Variants in DENND5B observed in about 807,000 individuals in gnomAD.
DENND5B encodes DENN domain-containing protein 5B.
A neutral mutation model predicts 140.6 loss-of-function variants in DENND5B; 34 were observed. The ratio of observed to expected loss-of-function variants is 0.24; its 90% CI spans 0.18 to 0.32. The LOEUF is 0.32. Ranked by LOEUF, DENND5B falls within the 10% of genes least tolerant of loss-of-function variation. DENND5B has a pLI of 1.00. For missense variants in DENND5B, 1,142 were observed against 1,560.2 expected, an observed-to-expected ratio of 0.73 and a Z score of 4.52; for synonymous variants, 551 against 562.1, an observed-to-expected ratio of 0.98 and a Z score of 0.28.
Position 31,447,731 on chromosome 12 carries a change from T to C in DENND5B, c.1668A>G (p.Pro556=). The C allele has an allele frequency of 6.2e-7, 1 of 1,608,346 alleles. No homozygotes were observed. Among genetic ancestry groups the C allele is most frequent in the Non-Finnish European group, 8.5e-7 (1 of 1,177,140 alleles). Residue 556 remains proline (P), a synonymous_variant, in exon 6 of 21, where the codon CCA becomes CCG. Transcript: ENST00000389082. ...GTGTTTCAATGAAGCGTGAAAGAAA[T>C]GGCAGGTAAGGCTCAGGCTGGTCAG... ...FLSDQPEPYL[P]FLSRFIETQM...
chr12:31,415,875 C>T (rs793160), intron 11 of DENND5B, among the ~76,000 whole-genome samples: 1 of 151,948 alleles, frequency 6.6e-6, no homozygotes, highest in East Asian at 1.9e-4. Flanking sequence ...CGCTCTTGTT[C>T]TCTAGGCTGG....
chr12:31,444,534 G>A (rs1329038928), intron 6 of DENND5B, among the ~76,000 whole-genome samples: 1 of 152,166 alleles, frequency 6.6e-6, no homozygotes, highest in East Asian at 1.9e-4. Flanking sequence ...GTTAGCCATT[G>A]TGCCTGGCCA....
intron 1 of DENND5B, among the ~76,000 whole-genome samples, chr12:31,588,642 TTTTATTATAAGAGACTTCAGCATCCG>T (rs1950488615): frequency 6.6e-6 from 1 of 152,230 alleles, no homozygotes; most frequent in East Asian, 1.9e-4. Context: ...TGCTACAACA[TTTTATTATAAGAGACTTCAGCATCCG>T]AGGATTTTGG....
At chr12:31,482,275 A>G (rs1946098687) in intron 2 of DENND5B, among the ~76,000 whole-genome samples, 2 of 152,154 alleles carry the variant, frequency 1.3e-5, no homozygotes, top group African/African-American at 2.4e-5. Flanking sequence ...CAACTCCCAA[A>G]TCTACAATCT....
intron 7 of DENND5B, among the ~76,000 whole-genome samples, chr12:31,435,897 T>C (rs1051783289): frequency 2.6e-5 from 4 of 151,720 alleles, no homozygotes; most frequent in African/African-American, 9.7e-5. Context: ...CTGACCTTCA[T>C]GTGATCCGCC....
At chr12:31,569,193 A>C (rs1949731515) in intron 1 of DENND5B, among the ~76,000 whole-genome samples, 1 of 149,918 alleles carries the variant, frequency 6.7e-6, no homozygotes. Flanking sequence ...CAGCCTACCG[A>C]GTAGCTGGGA....
chr12:31,441,266 C>T (rs1200775202), intron 7 of DENND5B, among the ~76,000 whole-genome samples: 2 of 152,058 alleles, frequency 1.3e-5, no homozygotes, highest in African/African-American at 4.8e-5. Flanking sequence ...ATCACGTGAG[C>T]CTGGGGAGGT....
At chr12:31,551,951 AAGG>A (rs1199575819) in intron 1 of DENND5B, among the ~76,000 whole-genome samples, 2 of 152,108 alleles carry the variant, frequency 1.3e-5, no homozygotes, top group Non-Finnish European at 2.9e-5. Flanking sequence ...TTATCAGCTT[AAGG>A]AGATTTTGGG....
chr12:31,517,340 C>T (rs1366370288), intron 1 of DENND5B, among the ~76,000 whole-genome samples: 1 of 152,236 alleles, frequency 6.6e-6, no homozygotes, highest in East Asian at 1.9e-4. Context: ...CTATCCTGCG[C>T]TTAAAGCGGA....
Position 31,464,062 on chromosome 12 carries a change from AT to A in DENND5B, c.905-3682del, listed in dbSNP as rs60985669. On this transcript the variant is annotated intron_variant, in intron 3 of 20. Transcript: ENST00000389082. The stretch of plus-strand genomic sequence containing the variant: ...AAAGGCAGAGTTTTCTTCTTTAAGC[AT>A]TTTTTTTAAACTTAAATATTTTAGG... Among the ~76,000 whole-genome samples, 412 of 152,188 alleles carry A rather than the reference AT, an allele frequency of 2.7e-3. 7 individuals are homozygous for A. Among genetic ancestry groups the A allele is most frequent in the African/African-American group, 9.7e-3 (402 of 41,510 alleles).
rs116292179 is a variant in DENND5B at position 31,444,844 on chromosome 12, T to C, written c.1862-1919A>G. On this transcript the variant is annotated intron_variant, in intron 6 of 20. Coordinates refer to ENST00000389082, the MANE Select transcript of DENND5B (RefSeq NM_144973.4). ...TCAATTTCCAAAACCACATAGGTAATTGCCACTTCCTGAAGGGGCTCCAGG... is the reference window on the plus strand; with the variant it reads ...TCAATTTCCAAAACCACATAGGTAACTGCCACTTCCTGAAGGGGCTCCAGG... 2.8e-3 allele frequency among the ~76,000 whole-genome samples: 433 copies of C among 152,356 alleles called. 4 individuals carry two copies. Among genetic ancestry groups the C allele is most frequent in the African/African-American group, 9.8e-3 (407 of 41,580 alleles).
intron 7 of DENND5B, among the ~76,000 whole-genome samples, chr12:31,441,962 C>T (rs752862799): frequency 6.6e-6 from 1 of 152,162 alleles, no homozygotes; most frequent in Non-Finnish European, 1.5e-5. Context: ...AGGTTACAGG[C>T]GTGAGCCACC....
chr12:31,529,399 C>T (rs1948203937), intron 1 of DENND5B, among the ~76,000 whole-genome samples: 1 of 152,154 alleles, frequency 6.6e-6, no homozygotes, highest in Admixed American at 6.5e-5. Flanking sequence ...TCTGGTTCCC[C>T]TCAATTTAAA....
At chr12:31,494,212 C>CCACCCACCCACA (rs1946672642) in intron 2 of DENND5B, among the ~76,000 whole-genome samples, 1 of 71,536 alleles carries the variant, frequency 1.4e-5, no homozygotes, top group Non-Finnish European at 3.0e-5. Context: ...ACCTACCTAC[C>CCACCCACCCACA]TACCTACCTC....
intron 1 of DENND5B, among the ~76,000 whole-genome samples, chr12:31,519,351 A>G (rs1201860832): frequency 6.6e-6 from 1 of 152,230 alleles, no homozygotes; most frequent in Admixed American, 6.5e-5. Flanking sequence ...CCTGAGGTAC[A>G]AGAAACAGAT....
intron 1 of DENND5B, among the ~76,000 whole-genome samples, chr12:31,554,507 C>G (rs1201294142): frequency 1.3e-5 from 2 of 152,148 alleles, no homozygotes; most frequent in Non-Finnish European, 2.9e-5. Context: ...TTTTTTCCTT[C>G]ATTTCAACTT....
intron 14 of DENND5B, among the ~76,000 whole-genome samples, chr12:31,407,540 T>G (rs1942196967): frequency 6.6e-6 from 1 of 152,234 alleles, no homozygotes; most frequent in Admixed American, 6.5e-5. Context: ...TCCAATTCCC[T>G]TTTCCTTTGT....
intron 1 of DENND5B, among the ~76,000 whole-genome samples, chr12:31,563,275 C>T (rs559516746): frequency 2.6e-5 from 4 of 152,252 alleles, no homozygotes; most frequent in South Asian, 4.1e-4. Flanking sequence ...TTTTCAACAC[C>T]GCCATCACAG....
chr12:31,450,360 A>C (rs1432771294), intron 5 of DENND5B, among the ~76,000 whole-genome samples: 1 of 21,862 alleles, frequency 4.6e-5, no homozygotes, highest in Non-Finnish European at 2.8e-4. Context: ...AAGTAAAAAA[A>C]TTATCTTTTG....
Sources: allele counts gnomAD v4.1 joint callset (sites outside exome capture counted in the v4.1 genomes callset), GRCh38; gene constraint gnomAD v4.1.1; transcripts MANE v1.5; gene names NCBI Gene and HGNC (gene_info 2026-07-23, HGNC 2026-07-21).